The following USP44 variants were observed in gnomAD, a reference collection of about 807,000 sequenced individuals.
USP44 encodes the protein ubiquitin carboxyl-terminal hydrolase 44.
Under a neutral mutation model 69.0 loss-of-function variants are expected in USP44, and 61 were observed. The observed-to-expected ratio is 0.88, with a 90% CI of 0.72 to 1.09. The LOEUF is 1.09. Among genes scored for constraint, USP44 ranks in the 50% least tolerant of loss-of-function variants. The probability of loss-of-function intolerance (pLI) is 0.00; values close to 1 mark genes in which losing one functional copy is unlikely to be tolerated. For missense variants in USP44, 753 were observed against 849.9 expected, an observed-to-expected ratio of 0.89 and a Z score of 1.42; for synonymous variants, 297 against 295.4, an observed-to-expected ratio of 1.01 and a Z score of -0.06.
chr12:95,545,884 C>T (rs1384513034), intron 1 of USP44, among the ~76,000 whole-genome samples: 2 of 152,114 alleles, frequency 1.3e-5, no homozygotes, highest in Non-Finnish European at 2.9e-5. Flanking sequence ...TTCTTTCTTC[C>T]TTTAGAGATC....
chr12:95,541,149 G>T (rs2077376283), intron 1 of USP44, among the ~76,000 whole-genome samples: 2 of 152,146 alleles, frequency 1.3e-5, no homozygotes, highest in African/African-American at 4.8e-5. Context: ...CATGGTGGCA[G>T]GTGCCTGTAA....
At chr12:95,538,555 C>T (rs1409648307) in intron 1 of USP44, among the ~76,000 whole-genome samples, 1 of 151,102 alleles carries the variant, frequency 6.6e-6, no homozygotes, top group African/African-American at 2.4e-5. Flanking sequence ...GGGGGGGTCT[C>T]TCAAAGATAA....
intron 4 of USP44, chr12:95,521,978 G>A (rs1434101673): frequency 9.7e-6 from 9 of 929,608 alleles, no homozygotes; most frequent in East Asian, 1.2e-4. Flanking sequence ...CTGTGTGTAA[G>A]TCAGCACAAC....
Position 95,521,184 on chromosome 12 carries a change from G to T in USP44, c.1752C>A (p.Asn584Lys). ...LKRFRWSGRN[N>K]REKIGVHVGF... ...CAACATGAACACCAATCTTCTCTCG[G>T]TTATTACGTCCTGACCACCTGTGAA... The change falls in exon 5 of 6, where the codon AAC becomes AAA. Residue 584 changes from asparagine to lysine, a missense_variant. By Grantham distance (94) the Asn-to-Lys change is moderately conservative (BLOSUM62 0). Coordinates refer to ENST00000258499, the MANE Select transcript of USP44 (RefSeq NM_032147.5). 1.2e-6 allele frequency: 2 copies of T among 1,614,098 alleles called. No individual in the cohort carries two copies. Among genetic ancestry groups the T allele is most frequent in the Non-Finnish European group, 1.7e-6 (2 of 1,180,020 alleles).
intron 2 of USP44, 61 bp from the exon 3 acceptor site, chr12:95,529,063 T>C: frequency 7.3e-7 from 1 of 1,378,452 alleles, no homozygotes; most frequent in South Asian, 1.6e-5. Context: ...TTAACTCTTT[T>C]CACTAGAGGT....
chr12:95,546,537 T>C (rs909577340), intron 1 of USP44: 1 of 152,196 alleles, frequency 6.6e-6, no homozygotes, highest in East Asian at 1.9e-4. Flanking sequence ...CGTTACTGAA[T>C]TCAGAGAATT....
chr12:95,525,295 C>T (rs904084400), intron 3 of USP44, among the ~76,000 whole-genome samples: 2 of 152,174 alleles, frequency 1.3e-5, no homozygotes, highest in African/African-American at 4.8e-5. Context: ...TGGTCTCGAA[C>T]TCCTGACATT....
At chr12:95,526,274 T>C (rs1274008363) in intron 3 of USP44, among the ~76,000 whole-genome samples, 1 of 152,174 alleles carries the variant, frequency 6.6e-6, no homozygotes, top group Non-Finnish European at 1.5e-5. Flanking sequence ...AGATTTATTT[T>C]TTAAAAAAAC....
At chr12:95,522,147 G>A in intron 4 of USP44, 1 of 975,608 alleles carries the variant, frequency 1.0e-6, no homozygotes, top group Non-Finnish European at 1.2e-6. Flanking sequence ...TAACATGGTA[G>A]TTCAAGAGAT....
chr12:95,524,095 GTTTGAGATGGAGTCTCAC>G (rs1251533349), intron 4 of USP44, among the ~76,000 whole-genome samples: 3 of 151,542 alleles, frequency 2.0e-5, no homozygotes, highest in Non-Finnish European at 4.4e-5. Flanking sequence ...ACATATGTAT[GTTTGAGATGGAGTCTCAC>G]TCTGTCGCCC....
intron 1 of USP44, among the ~76,000 whole-genome samples, chr12:95,540,494 C>T (rs1050022055): frequency 6.6e-6 from 1 of 152,148 alleles, no homozygotes; most frequent in Middle Eastern, 3.4e-3. Flanking sequence ...AGGCACATGC[C>T]ACCACGCAAG....
At chr12:95,522,053 A>G (rs543523472) in intron 4 of USP44, 165 of 985,284 alleles carry the variant, frequency 1.7e-4, no homozygotes, top group Middle Eastern at 5.2e-4. Context: ...TGCTGGTCAT[A>G]CTTCCCATTA....
intron 3 of USP44, 98 bp from the exon 4 acceptor site, chr12:95,524,886 A>ATG (rs983555786): frequency 9.1e-7 from 1 of 1,098,936 alleles, no homozygotes; most frequent in African/African-American, 1.6e-5. Flanking sequence ...AATGAAAAGT[A>ATG]TGTACTGTGT....
intron 5 of USP44, among the ~76,000 whole-genome samples, chr12:95,518,959 AC>A (rs2140194074): frequency 6.6e-6 from 1 of 151,828 alleles, no homozygotes; most frequent in East Asian, 1.9e-4. Context: ...CCAAACCAAA[AC>A]TTTTTGTGCC....
rs528797194 is a variant in USP44, at chr12:95,543,982, A to G, written c.-71+7290T>C. Among the ~76,000 whole-genome samples the G allele has an allele frequency of 2.9e-4, 43 of 147,048 alleles. 1 individual carries two copies. The highest frequency in any genetic ancestry group is 1.2e-3 in the East Asian group (6 of 5,122). ...ACTGCATCTCAAAAAAAAAAAAAAA[A>G]AAAAAAAGAAAAAAACCCAAAACAA... On this transcript the variant is annotated intron_variant, in intron 1 of 5. Transcript: ENST00000258499.
intron 1 of USP44, among the ~76,000 whole-genome samples, chr12:95,547,664 T>G (rs2077615908): frequency 6.6e-6 from 1 of 152,186 alleles, no homozygotes. Flanking sequence ...TCACCACCCC[T>G]ACTTTCACCC....
intron 1 of USP44, among the ~76,000 whole-genome samples, chr12:95,537,210 G>A (rs1300649023): frequency 1.3e-5 from 2 of 152,170 alleles, no homozygotes; most frequent in African/African-American, 4.8e-5. Flanking sequence ...CAATTTGGAG[G>A]TTAAGGGAAG....
intron 2 of USP44, among the ~76,000 whole-genome samples, chr12:95,532,509 T>C (rs1328087962): frequency 6.6e-6 from 1 of 152,092 alleles, no homozygotes; most frequent in Non-Finnish European, 1.5e-5. Context: ...CATCTTTAAA[T>C]CCGTTCCCTC....
rs1385389869 is a variant in USP44 at position 95,533,637 on chromosome 12, C to G, written c.620G>C (p.Ser207Thr). 1 of 1,613,888 alleles carries G rather than the reference C, an allele frequency of 6.2e-7. No individual in the cohort carries two copies. The highest frequency in any genetic ancestry group is 1.1e-5 in the South Asian group (1 of 91,076). ...ACGTAAACTCTTTCTTGGAGGCATA[C>G]TTTCCAATTCTGCTTTAACTTGATA... ...LEYQVKAELESMPPRKSLRLQ... is the reference protein window; with the variant it reads ...LEYQVKAELETMPPRKSLRLQ... Residue 207 changes from serine (S) to threonine (T), a missense_variant, in exon 2 of 6, where the codon AGT (serine) becomes ACT (threonine). Coordinates refer to ENST00000258499, the MANE Select transcript of USP44 (RefSeq NM_032147.5).
Sources: allele counts gnomAD v4.1 joint callset (sites outside exome capture counted in the v4.1 genomes callset), GRCh38; gene constraint gnomAD v4.1.1; transcripts MANE v1.5; gene names NCBI Gene and HGNC (gene_info 2026-07-23, HGNC 2026-07-21).